POLR1D: variants seen among roughly 807,000 people sequenced by gnomAD.
POLR1D encodes DNA-directed RNA polymerases I and III subunit RPAC2.
POLR1D carries 8 observed loss-of-function variants against 10.8 expected under a neutral mutation model. That is an observed-to-expected ratio of 0.74 (90% CI 0.43 to 1.33). The LOEUF (loss-of-function observed/expected upper bound fraction) is 1.33, where lower values mean the gene tolerates loss of function less well. Ranked by LOEUF, POLR1D falls within the 40% of genes most tolerant of loss-of-function variation. The pLI is 0.01. For missense variants in POLR1D, 152 were observed against 161.7 expected (o/e 0.94, Z 0.32); for synonymous variants, 54 against 57.2 (o/e 0.94, Z 0.25).
At chr13:27,636,526 T>C (rs961039922) in intron 1 of POLR1D, among the ~76,000 whole-genome samples, 2 of 152,052 alleles carry the variant, frequency 1.3e-5, no homozygotes, top group Non-Finnish European at 2.9e-5. Context: ...ACACTGGGCG[T>C]TCAGGAATTA....
chr13:27,636,148 A>C (rs567113195), intron 1 of POLR1D, among the ~76,000 whole-genome samples: 2 of 152,306 alleles, frequency 1.3e-5, no homozygotes, highest in South Asian at 4.1e-4. Flanking sequence ...GTTGGTACTT[A>C]AAGTGTTGTC....
At chr13:27,640,517 G>C (rs950179533) in intron 1 of POLR1D, among the ~76,000 whole-genome samples, 6 of 151,472 alleles carry the variant, frequency 4.0e-5, no homozygotes, top group African/African-American at 1.5e-4. Flanking sequence ...TTTCCCACTA[G>C]TGCTAAGCTT....
chr13:27,637,479 G>A (rs1956135912), intron 1 of POLR1D, among the ~76,000 whole-genome samples: 1 of 152,172 alleles, frequency 6.6e-6, no homozygotes, highest in Non-Finnish European at 1.5e-5. Context: ...TGGCTGACTT[G>A]TTCAGTGGAC....
downstream of POLR1D, among the ~76,000 whole-genome samples, chr13:27,628,328 C>T (rs1301655741): frequency 1.3e-5 from 2 of 152,142 alleles, no homozygotes; most frequent in Admixed American, 6.5e-5. Context: ...GTTTAGGGGC[C>T]AGGATACGGC....
rs1328488629 is a variant in POLR1D, at chr13:27,665,633, T to C, written c.102-53T>C. 5.8e-6 allele frequency: 9 copies of C among 1,539,374 alleles called. No homozygotes were observed. The Admixed American group carries it at 6.7e-5, about 11-fold the overall frequency. ...CTAATCACGATAGTGGGTCCAGCTT[T>C]GGAGTTAACCATTTGATTTGTGATG... is the stretch of plus-strand genomic sequence containing the variant. On this transcript the variant is annotated intron_variant, in intron 2 of 2. Coordinates refer to the POLR1D transcript ENST00000399697.
downstream of POLR1D, among the ~76,000 whole-genome samples, chr13:27,624,020 A>G (rs1210319785): frequency 2.0e-5 from 3 of 152,198 alleles, no homozygotes; most frequent in Non-Finnish European, 4.4e-5. Flanking sequence ...AAGAAGCCCT[A>G]TTTGAGAGAA....
At chr13:27,660,515 G>T (rs140792749) in intron 2 of POLR1D, among the ~76,000 whole-genome samples, 1 of 152,292 alleles carries the variant, frequency 6.6e-6, no homozygotes, top group African/African-American at 2.4e-5. Context: ...ACATCTCAGA[G>T]TCAGGCATGT....
At chr13:27,631,531 C>G (rs139922310) in intron 1 of POLR1D, among the ~76,000 whole-genome samples, 17 of 152,292 alleles carry the variant, frequency 1.1e-4, no homozygotes, top group Admixed American at 3.3e-4. Flanking sequence ...CTTACCCATC[C>G]GCCTTCTCTA....
intron 1 of POLR1D, among the ~76,000 whole-genome samples, chr13:27,641,459 T>C (rs763831376): frequency 2.0e-5 from 3 of 150,176 alleles, no homozygotes; most frequent in Non-Finnish European, 4.5e-5. Flanking sequence ...ATGGAATATA[T>C]ACGAAATATT....
At chr13:27,662,734 G>T (rs536415662) in intron 2 of POLR1D, among the ~76,000 whole-genome samples, 4 of 152,304 alleles carry the variant, frequency 2.6e-5, no homozygotes, top group Admixed American at 6.5e-5. Context: ...TAAGTAACTT[G>T]CTTGTGATCA....
chr13:27,635,037 G>A (rs1297678222), intron 1 of POLR1D, among the ~76,000 whole-genome samples: 1 of 152,082 alleles, frequency 6.6e-6, no homozygotes, highest in Admixed American at 6.5e-5. Context: ...AAAGATAACA[G>A]CTTTGCCAGA....
intron 2 of POLR1D, among the ~76,000 whole-genome samples, chr13:27,664,308 G>T (rs1956394451): frequency 6.6e-6 from 1 of 152,132 alleles, no homozygotes; most frequent in Non-Finnish European, 1.5e-5. Flanking sequence ...TTTTTTCTTT[G>T]TTTTTGCCTT....
At chr13:27,622,259 C>T in intron 1 of POLR1D, 1 of 585,998 alleles carries the variant, frequency 1.7e-6, no homozygotes, top group Non-Finnish European at 3.0e-6. Context: ...GTTACAACAG[C>T]AGTGTGTAAA....
intron 2 of POLR1D, among the ~76,000 whole-genome samples, chr13:27,652,787 A>AACCT (rs1201792087): frequency 4.6e-4 from 70 of 151,458 alleles, no homozygotes; most frequent in African/African-American, 1.6e-3. Context: ...GAATCACTTG[A>AACCT]ACCTGCAAGA....
rs980413565 is a variant in POLR1D, at chr13:27,622,523, T to C, written c.27-352T>C. Reference sequence around the variant, plus strand: ...TATACTAGAGCAATCGGGATTTCTATGCCTTTCAACCCTCTCTTCATCCTC... The same window carrying C: ...TATACTAGAGCAATCGGGATTTCTACGCCTTTCAACCCTCTCTTCATCCTC... On this transcript the variant is annotated intron_variant, in intron 1 of 1. Transcript: ENST00000302979. The C allele has an allele frequency of 7.1e-5, 22 of 310,010 alleles. No individual in the cohort carries two copies. The Admixed American group carries it at 7.2e-4, about 10-fold the overall frequency. 19.2% of individuals were successfully genotyped at this position (310,010 alleles called of 1,614,324 possible).
intron 1 of POLR1D, among the ~76,000 whole-genome samples, chr13:27,642,274 C>A (rs1319298616): frequency 6.6e-6 from 1 of 152,146 alleles, no homozygotes; most frequent in East Asian, 1.9e-4. Flanking sequence ...TCAATCCTGA[C>A]AGGAAATATT....
intron 1 of POLR1D, among the ~76,000 whole-genome samples, chr13:27,631,457 A>G (rs183752887): frequency 3.2e-4 from 48 of 152,308 alleles, no homozygotes; most frequent in Admixed American, 2.6e-3. Flanking sequence ...CCCACACTTG[A>G]GAGCGAGTAC....
intron 2 of POLR1D, among the ~76,000 whole-genome samples, chr13:27,662,236 A>C (rs1395972540): frequency 6.6e-6 from 1 of 152,140 alleles, no homozygotes; most frequent in Non-Finnish European, 1.5e-5. Context: ...CTTTCTCATG[A>C]AGAGAGAGTA....
chr13:27,626,009 G>A (rs1345148556), downstream of POLR1D, among the ~76,000 whole-genome samples: 1 of 152,204 alleles, frequency 6.6e-6, no homozygotes, highest in Non-Finnish European at 1.5e-5. Context: ...TTAGGCGGGA[G>A]CAGGGATGTC....
Sources: gnomAD v4.1 joint callset for allele counts (sites outside exome capture counted in the v4.1 genomes callset) on GRCh38, gnomAD v4.1.1 for gene constraint, MANE v1.5 for transcripts, NCBI Gene and HGNC (gene_info 2026-07-23, HGNC 2026-07-21) for gene names.